HS6ST3: variants seen among roughly 807,000 people sequenced by gnomAD.
HS6ST3 encodes the protein heparan-sulfate 6-O-sulfotransferase 3.
In HS6ST3, 12 loss-of-function variants were observed where a neutral mutation model predicts 36.7. The observed-to-expected ratio is 0.33, with a 90% CI of 0.21 to 0.53. HS6ST3 has a LOEUF of 0.53. HS6ST3 is among the 20% of genes least tolerant of loss of function. The pLI is 0.95. For missense variants in HS6ST3, 584 were observed against 640.9 expected (o/e 0.91, Z 0.96); for synonymous variants, 240 against 257.5 (o/e 0.93, Z 0.65).
At chr13:96,483,300 C>G (rs1014258471) in intron 1 of HS6ST3, among the ~76,000 whole-genome samples, 3 of 152,040 alleles carry the variant, frequency 2.0e-5, no homozygotes, top group Non-Finnish European at 4.4e-5. Flanking sequence ...GGTGAATATT[C>G]CACTAAGAGG....
intron 1 of HS6ST3, among the ~76,000 whole-genome samples, chr13:96,524,725 G>C (rs1457410850): frequency 2.0e-5 from 3 of 152,210 alleles, no homozygotes; most frequent in Non-Finnish European, 4.4e-5. Flanking sequence ...TGCAGTATTT[G>C]GGCAGGAGTG....
intron 1 of HS6ST3, among the ~76,000 whole-genome samples, chr13:96,663,301 G>C (rs924799639): frequency 7.9e-5 from 12 of 152,306 alleles, no homozygotes; most frequent in Admixed American, 7.2e-4. Flanking sequence ...ATGTACCTGA[G>C]AGCTGTGCAA....
At chr13:96,808,201 G>A (rs1291078204) in intron 1 of HS6ST3, among the ~76,000 whole-genome samples, 1 of 152,196 alleles carries the variant, frequency 6.6e-6, no homozygotes, top group Non-Finnish European at 1.5e-5. Flanking sequence ...GTATGGATAA[G>A]ATATGAAAAA....
chr13:96,606,420 C>A (rs779492368), intron 1 of HS6ST3, among the ~76,000 whole-genome samples: 7 of 151,984 alleles, frequency 4.6e-5, no homozygotes, highest in Non-Finnish European at 1.0e-4. Context: ...ATGTCAGTCA[C>A]AGCAACAGGA....
intron 1 of HS6ST3, among the ~76,000 whole-genome samples, chr13:96,774,685 A>C (rs1400221861): frequency 6.6e-6 from 1 of 152,192 alleles, no homozygotes; most frequent in Non-Finnish European, 1.5e-5. Context: ...GATTATGTGA[A>C]AAGATCAAAC....
intron 1 of HS6ST3, among the ~76,000 whole-genome samples, chr13:96,337,062 G>T (rs183524649): frequency 7.0e-4 from 106 of 150,894 alleles, no homozygotes; most frequent in African/African-American, 1.7e-3. Context: ...GTTTTTTTTT[G>T]TTTGTTTGTT....
chr13:96,301,499 GTCTC>G (rs1273854388), intron 1 of HS6ST3, among the ~76,000 whole-genome samples: 1 of 152,136 alleles, frequency 6.6e-6, no homozygotes. Context: ...TCCTGAGTCT[GTCTC>G]TCTCTATCTC....
At chr13:96,373,854 C>G (rs911641008) in intron 1 of HS6ST3, among the ~76,000 whole-genome samples, 2 of 152,276 alleles carry the variant, frequency 1.3e-5, no homozygotes, top group African/African-American at 4.8e-5. Context: ...AAAAGCACTA[C>G]TATGTCTGAC....
chr13:96,475,612 C>CAAAAAAAAAAAAAAAAA (rs1251970502), intron 1 of HS6ST3, among the ~76,000 whole-genome samples: 1 of 91,580 alleles, frequency 1.1e-5, no homozygotes. Context: ...GGAGTACTAC[C>CAAAAAAAAAAAAAAAAA]AAAAAAAAAA....
intron 1 of HS6ST3, among the ~76,000 whole-genome samples, chr13:96,540,973 C>T (rs2056175181): frequency 6.6e-6 from 1 of 152,160 alleles, no homozygotes; most frequent in Non-Finnish European, 1.5e-5. Context: ...CTCTGTTATA[C>T]AAAGCCCAAA....
intron 1 of HS6ST3, among the ~76,000 whole-genome samples, chr13:96,373,093 C>G (rs2055297843): frequency 6.6e-6 from 1 of 152,124 alleles, no homozygotes; most frequent in Non-Finnish European, 1.5e-5. Flanking sequence ...ATCCCTTTTT[C>G]TATCTTCACA....
chr13:96,778,753 A>C (rs956967428), intron 1 of HS6ST3, among the ~76,000 whole-genome samples: 2 of 152,164 alleles, frequency 1.3e-5, no homozygotes, highest in Non-Finnish European at 2.9e-5. Context: ...ATTGTGGAAG[A>C]AGTGTGGCGA....
chr13:96,302,742 G>A lies in HS6ST3; in HGVS notation c.707+211173G>A, dbSNP rs574307352. On this transcript the variant is annotated intron_variant, in intron 1 of 1. Coordinates refer to ENST00000376705, the MANE Select transcript of HS6ST3 (RefSeq NM_153456.4). ...TATTTCTCAAAGGATAATAATATAC[G>A]TATAATATATAATATTGAGATATAA... 1.3e-4 allele frequency among the ~76,000 whole-genome samples: 20 copies of A among 152,032 alleles called. 1 individual carries two copies. The highest frequency in any genetic ancestry group is 4.2e-4 in the South Asian group (2 of 4,814).
intron 1 of HS6ST3, among the ~76,000 whole-genome samples, chr13:96,673,595 CTT>C (rs968047075): frequency 1.3e-5 from 2 of 152,022 alleles, no homozygotes; most frequent in African/African-American, 4.8e-5. Flanking sequence ...TCCCTGTTCT[CTT>C]TTTAAAGAAT....
intron 1 of HS6ST3, among the ~76,000 whole-genome samples, chr13:96,529,916 G>T (rs528927704): frequency 6.6e-6 from 1 of 152,262 alleles, no homozygotes; most frequent in South Asian, 2.1e-4. Flanking sequence ...ATAAGGCCAA[G>T]TGTGTCCAAA....
At chr13:96,472,381 G>A (rs1387550856) in intron 1 of HS6ST3, among the ~76,000 whole-genome samples, 7 of 152,146 alleles carry the variant, frequency 4.6e-5, no homozygotes, top group Non-Finnish European at 8.8e-5. Flanking sequence ...AAGCCAAGTT[G>A]AATCTCTGTT....
intron 1 of HS6ST3, among the ~76,000 whole-genome samples, chr13:96,247,227 G>A (rs2054588843): frequency 6.6e-6 from 1 of 151,954 alleles, no homozygotes; most frequent in South Asian, 2.1e-4. Flanking sequence ...CCTCTTGGTG[G>A]CAACGTGTCT....
At chr13:96,490,766 C>T (rs543629990) in intron 1 of HS6ST3, among the ~76,000 whole-genome samples, 1 of 152,320 alleles carries the variant, frequency 6.6e-6, no homozygotes, top group South Asian at 2.1e-4. Context: ...GGGCTTTTCA[C>T]AGCACTTGCA....
intron 1 of HS6ST3, among the ~76,000 whole-genome samples, chr13:96,476,535 G>C (rs1195942951): frequency 6.6e-6 from 1 of 152,070 alleles, no homozygotes; most frequent in Admixed American, 6.6e-5. Flanking sequence ...GCTAATTTTT[G>C]TATTTTTAGT....
Sources: gnomAD v4.1 joint callset for allele counts (sites outside exome capture counted in the v4.1 genomes callset) on GRCh38, gnomAD v4.1.1 for gene constraint, MANE v1.5 for transcripts, NCBI Gene and HGNC (gene_info 2026-07-23, HGNC 2026-07-21) for gene names.